Variants in IGF2R observed in about 807,000 individuals in gnomAD.
IGF2R encodes insulin like growth factor 2 receptor, also known as cation-independent mannose-6-phosphate receptor.
IGF2R carries 91 observed loss-of-function variants against 270.6 expected under a neutral mutation model. That is an observed-to-expected ratio of 0.34 (90% confidence interval 0.28 to 0.40). IGF2R has a LOEUF of 0.40. Among genes scored for constraint, IGF2R ranks in the 10% least tolerant of loss-of-function variants. The pLI, the probability that IGF2R is intolerant of heterozygous loss-of-function variation, is 1.00. For missense variants in IGF2R, 2,805 were observed against 3,188.3 expected, an observed-to-expected ratio of 0.88 and a Z score of 2.90; for synonymous variants, 1,316 against 1,258.9, an observed-to-expected ratio of 1.05 and a Z score of -0.96.
intron 3 of IGF2R, 132 bp downstream of exon 3, chr6:160,009,266 A>G (rs1784295758): frequency 1.4e-6 from 1 of 705,354 alleles, no homozygotes; most frequent in Non-Finnish European, 2.2e-6. Context: ...AAACCCTACC[A>G]AATGACCATC....
In IGF2R at chr6:160,105,123, A is replaced by C. The variant is rs1779586405; in HGVS notation, c.*39A>C. On this transcript the variant is annotated 3_prime_UTR_variant, in exon 48 of 48. Transcript: ENST00000356956. ...GCAGGGGAGCACGGAGCCGCGGGAC[A>C]GCCAAGCACCTCCAACCAAATAAGA... 1 of 1,461,120 alleles carries C rather than the reference A, an allele frequency of 6.8e-7. No homozygotes were observed. Among genetic ancestry groups the C allele is most frequent in the Non-Finnish European group, 9.1e-7 (1 of 1,098,932 alleles). The allele number at this position is 1,461,120 out of a possible 1,614,324, so 90.5% of individuals were successfully genotyped here.
rs1377479460 is a variant in IGF2R at position 160,110,351 on chromosome 6, A to G, written c.*5267A>G. 6.6e-6 allele frequency: 1 copy of G among 152,276 alleles called. No homozygotes were observed. The allele number at this position is 152,276 out of a possible 1,614,324, so 9.4% of individuals were successfully genotyped here. On this transcript the variant is annotated 3_prime_UTR_variant, in exon 48 of 48. Transcript: ENST00000356956. ...CAAAAAATGCTCAGCATCGCTGATC[A>G]TCAGGGAAATGCACATCATAAACAC...
chr6:160,108,641 C>T lies in IGF2R; in HGVS notation c.*3557C>T, dbSNP rs892774610. 3 of 150,754 alleles carry T rather than the reference C, an allele frequency of 2.0e-5. No homozygotes were observed. Among genetic ancestry groups the T allele is most frequent in the African/African-American group, 7.3e-5 (3 of 41,006 alleles). 9.3% of individuals were successfully genotyped at this position (150,754 alleles called of 1,614,324 possible). On this transcript the variant is annotated 3_prime_UTR_variant, in exon 48 of 48. Coordinates refer to ENST00000356956, the MANE Select transcript of IGF2R (RefSeq NM_000876.4). Reference sequence around the variant, plus strand: ...TTCCTTTCATTCCTTTCCTTTCCTTCCTTTTTCCTCTTTCTTTCTTTCCTT... The same window carrying T: ...TTCCTTTCATTCCTTTCCTTTCCTTTCTTTTTCCTCTTTCTTTCTTTCCTT...
Position 160,010,777 on chromosome 6 carries a change from A to G in IGF2R, c.505A>G (p.Asn169Asp). 1 of 1,590,270 alleles carries G rather than the reference A, an allele frequency of 6.3e-7. No homozygotes were observed. The highest frequency in any genetic ancestry group is 8.6e-7 in the Non-Finnish European group (1 of 1,158,336). Reference sequence around the variant, plus strand: ...CTGCAAGAAAGACATATTTAAAGCAAATAAGGAGGTAACATGGGAACTTCA... The same window carrying G: ...CTGCAAGAAAGACATATTTAAAGCAGATAAGGAGGTAACATGGGAACTTCA... ...AACKKDIFKA[N>D]KEVPCYVFDE... Residue 169 changes from asparagine to aspartate, a missense_variant, in exon 4 of 48, where the codon AAT becomes GAT. This residue lies in a region of IGF2R where 954 missense variants were observed against 981.1 expected (regional missense o/e 0.97). Coordinates refer to ENST00000356956, the MANE Select transcript of IGF2R (RefSeq NM_000876.4).
intron 5 of IGF2R, among the ~76,000 whole-genome samples, chr6:160,026,855 C>T (rs371287848): frequency 1.6e-4 from 24 of 152,242 alleles, no homozygotes; most frequent in African/African-American, 5.3e-4. Context: ...CTGTGGAGTG[C>T]CTGCATTTTC....
At chr6:160,103,656 G>T in intron 46 of IGF2R, 90 bp from the exon 47 acceptor site, 2 of 838,254 alleles carry the variant, frequency 2.4e-6, no homozygotes, top group Non-Finnish European at 2.1e-6. Flanking sequence ...GCCCCCTGGT[G>T]GTGCAGATGG....
At chr6:160,030,821 T>A (rs888649677) in intron 7 of IGF2R, among the ~76,000 whole-genome samples, 3 of 148,980 alleles carry the variant, frequency 2.0e-5, no homozygotes, top group Non-Finnish European at 1.5e-5. Flanking sequence ...AAGTTCCCTC[T>A]GTTTTTTTTT....
At chr6:160,060,516 C>T (rs1191979043) in intron 22 of IGF2R, 31 bp from the exon 23 acceptor site, 8 of 1,610,908 alleles carry the variant, frequency 5.0e-6, no homozygotes, top group Non-Finnish European at 8.5e-7. Context: ...ACTGTTCTGT[C>T]TCTTAAAATC....
At chr6:160,078,053 T>C (rs1583295476) in intron 36 of IGF2R, 148 bp from the exon 37 acceptor site, 3 of 727,372 alleles carry the variant, frequency 4.1e-6, no homozygotes, top group Non-Finnish European at 7.1e-6. Flanking sequence ...GAAGATGGCA[T>C]TGGGTCTTTC....
chr6:160,058,164 A>C (rs748631383), intron 21 of IGF2R, 40 bp downstream of exon 21: 1 of 1,347,834 alleles, frequency 7.4e-7, no homozygotes, highest in Non-Finnish European at 1.1e-6. Flanking sequence ...GCTTTGAAAC[A>C]GGGGGAGAGT....
intron 11 of IGF2R, among the ~76,000 whole-genome samples, chr6:160,042,308 G>A (rs1274221766): frequency 6.6e-6 from 1 of 152,142 alleles, no homozygotes; most frequent in Non-Finnish European, 1.5e-5. Context: ...GTTGACATTG[G>A]AAAGTACTTC....
chr6:159,988,465 A>G (rs1176479858), intron 1 of IGF2R, among the ~76,000 whole-genome samples: 2 of 138,102 alleles, frequency 1.4e-5, no homozygotes, highest in Non-Finnish European at 3.1e-5. Flanking sequence ...ATGAGCGGAG[A>G]TTGCGCCACT....
chr6:160,003,009 T>A (rs1258025459), intron 2 of IGF2R, among the ~76,000 whole-genome samples: 2 of 152,222 alleles, frequency 1.3e-5, no homozygotes, highest in Non-Finnish European at 2.9e-5. Context: ...GGAACAGTGT[T>A]AATTGAGGTT....
rs77901527 is a variant in IGF2R, at chr6:160,085,733, C to T, written c.6205+602C>T. On this transcript the variant is annotated intron_variant, in intron 41 of 47. Coordinates refer to ENST00000356956, the MANE Select transcript of IGF2R (RefSeq NM_000876.4). ...CTGGAGTGGGGTTTCCCGAGTTGTC[C>T]TGATTCAGCCACAGGGCTACTTCAG... Among the ~76,000 whole-genome samples the T allele has an allele frequency of 9.3e-3, 1,417 of 152,312 alleles. 30 individuals are homozygous for T. Among genetic ancestry groups the T allele is most frequent in the African/African-American group, 0.032 (1,314 of 41,556 alleles).
At chr6:160,067,405 C>T (rs1324243498) in intron 29 of IGF2R, among the ~76,000 whole-genome samples, 3 of 151,996 alleles carry the variant, frequency 2.0e-5, no homozygotes, top group African/African-American at 7.3e-5. Context: ...GCCTTTTTTC[C>T]TTCAGCTCTT....
intron 1 of IGF2R, among the ~76,000 whole-genome samples, chr6:159,973,084 GA>G (rs1386278341): frequency 2.0e-5 from 3 of 152,134 alleles, no homozygotes; most frequent in African/African-American, 7.2e-5. Flanking sequence ...CTGTAGAAAA[GA>G]CCTGGGGCAG....
chr6:160,096,257 G>A (rs946239554), intron 44 of IGF2R, 182 bp from the exon 45 acceptor site: 3 of 553,086 alleles, frequency 5.4e-6, no homozygotes, highest in Non-Finnish European at 9.5e-6. Flanking sequence ...TAAGGGCAGG[G>A]CTCTATCCAT....
At position 160,043,683 on chromosome 6, in the gene IGF2R, G is replaced by A. The variant is rs1777998704; in HGVS notation, c.1621+395G>A. Among the ~76,000 whole-genome samples, 3 of 152,332 alleles carry A rather than the reference G, an allele frequency of 2.0e-5. 1 individual carries two copies. The South Asian group carries it at 6.2e-4, about 32-fold the overall frequency. On this transcript the variant is annotated intron_variant, in intron 12 of 47. Coordinates refer to ENST00000356956, the MANE Select transcript of IGF2R (RefSeq NM_000876.4). ...TGAGTGAAGTGTAATCTCAGCTGTA[G>A]CCCTAGTGTAAGAGGGGCTTGCATG...
At chr6:160,075,107 C>T (rs532277315) in intron 35 of IGF2R, among the ~76,000 whole-genome samples, 49 of 152,066 alleles carry the variant, frequency 3.2e-4, no homozygotes, top group African/African-American at 1.2e-3. Flanking sequence ...TACACACACT[C>T]ACACCCACAT....
Sources: allele counts gnomAD v4.1 joint callset (sites outside exome capture counted in the v4.1 genomes callset), GRCh38; gene constraint gnomAD v4.1.1; regional missense constraint gnomAD v4.1.1; transcripts MANE v1.5; gene names NCBI Gene and HGNC (gene_info 2026-07-23, HGNC 2026-07-21).